CCDC102B: variants seen among roughly 807,000 people sequenced by gnomAD.
CCDC102B encodes coiled-coil domain-containing protein 102B.
Under a neutral mutation model 57.4 loss-of-function variants are expected in CCDC102B, and 75 were observed. That is an observed-to-expected ratio of 1.31 (90% confidence interval 1.08 to 1.58). CCDC102B has a LOEUF of 1.58. CCDC102B is among the 40% of genes most tolerant of loss of function. The pLI is 0.00. For synonymous variants in CCDC102B, 206 were observed against 201.9 expected, an observed-to-expected ratio of 1.02 and a Z score of -0.17; for missense variants, 636 against 582.6, an observed-to-expected ratio of 1.09 and a Z score of -0.94.
At chr18:69,036,131 A>G (rs1350179258) in intron 7 of CCDC102B, among the ~76,000 whole-genome samples, 1 of 152,158 alleles carries the variant, frequency 6.6e-6, no homozygotes, top group Non-Finnish European at 1.5e-5. Flanking sequence ...ATATACCAAT[A>G]AAAAGAGGAA....
At chr18:68,835,473 C>A (rs1196942160) in intron 1 of CCDC102B, among the ~76,000 whole-genome samples, 1 of 152,168 alleles carries the variant, frequency 6.6e-6, no homozygotes, top group African/African-American at 2.4e-5. Flanking sequence ...CTTCTCTCAC[C>A]CACCAGACTG....
chr18:68,973,906 T>C (rs971141093), intron 6 of CCDC102B, among the ~76,000 whole-genome samples: 1 of 152,086 alleles, frequency 6.6e-6, no homozygotes, highest in African/African-American at 2.4e-5. Context: ...CTATTCACTG[T>C]TCTGCAAAAT....
chr18:68,725,443 G>T (rs1416714308), intron 2 of CCDC102B, among the ~76,000 whole-genome samples: 3 of 152,164 alleles, frequency 2.0e-5, no homozygotes, highest in African/African-American at 7.2e-5. Flanking sequence ...CCTTTTTGGA[G>T]TCTCTAGGAA....
chr18:69,024,330 G>A (rs1251409071), intron 7 of CCDC102B, among the ~76,000 whole-genome samples: 3 of 151,932 alleles, frequency 2.0e-5, no homozygotes, highest in African/African-American at 7.2e-5. Context: ...CAGAAGTAAT[G>A]ATTACTTATA....
intron 6 of CCDC102B, among the ~76,000 whole-genome samples, chr18:68,977,224 T>G (rs1399021622): frequency 6.6e-6 from 1 of 152,038 alleles, no homozygotes; most frequent in Non-Finnish European, 1.5e-5. Flanking sequence ...GTTTATAGTC[T>G]TGGGGTTAGC....
At chr18:68,924,417 C>T (rs373458025) in intron 6 of CCDC102B, among the ~76,000 whole-genome samples, 6 of 152,140 alleles carry the variant, frequency 3.9e-5, no homozygotes, top group Admixed American at 2.0e-4. Context: ...CTTGTGAAGA[C>T]GGTGTCTTGC....
chr18:68,938,945 G>C (rs1599721353), intron 6 of CCDC102B, among the ~76,000 whole-genome samples: 1 of 151,502 alleles, frequency 6.6e-6, no homozygotes, highest in Non-Finnish European at 1.5e-5. Context: ...TTTCCCCTGA[G>C]TACTTCATTA....
chr18:68,797,196 T>C (rs2035660408), upstream of CCDC102B, among the ~76,000 whole-genome samples: 4 of 152,068 alleles, frequency 2.6e-5, no homozygotes, highest in Non-Finnish European at 5.9e-5. Context: ...GGGAAAAGAA[T>C]GTTAAGTAGA....
At position 68,838,735 on chromosome 18, in the gene CCDC102B, A is replaced by G; in HGVS notation, c.636A>G (p.Lys212=). The change falls in exon 3 of 8, where the codon AAA becomes AAG. Residue 212 remains lysine, a synonymous_variant. Transcript: ENST00000360242. ...AAGGTGTGGTTATTGATTCTCTAAAATTAAGTGAGGAGATGAAGCCCAATC... is the reference window on the plus strand; with the variant it reads ...AAGGTGTGGTTATTGATTCTCTAAAGTTAAGTGAGGAGATGAAGCCCAATC... ...KEQGVVIDSL[K]LSEEMKPNLD... is the part of the protein sequence containing the mutation. 6.2e-7 allele frequency: 1 copy of G among 1,613,932 alleles called. No individual in the cohort carries two copies. The highest frequency in any genetic ancestry group is 8.5e-7 in the Non-Finnish European group (1 of 1,179,884).
chr18:68,808,964 G>T (rs965294084), intron 1 of CCDC102B, among the ~76,000 whole-genome samples: 1 of 152,038 alleles, frequency 6.6e-6, no homozygotes, highest in Non-Finnish European at 1.5e-5. Context: ...TGAAATTTAT[G>T]CTATTTCTAT....
At chr18:69,002,146 T>C (rs1022202736) in intron 6 of CCDC102B, among the ~76,000 whole-genome samples, 1 of 152,168 alleles carries the variant, frequency 6.6e-6, no homozygotes, top group African/African-American at 2.4e-5. Flanking sequence ...CTGAGAACAC[T>C]GTATCAGCTT....
chr18:68,972,265 G>A (rs2050321031), intron 6 of CCDC102B, among the ~76,000 whole-genome samples: 1 of 152,196 alleles, frequency 6.6e-6, no homozygotes, highest in African/African-American at 2.4e-5. Flanking sequence ...TCTGGTGGGT[G>A]TTGTTAGCAG....
intron 2 of CCDC102B, among the ~76,000 whole-genome samples, chr18:68,783,812 T>C (rs2035088737): frequency 2.0e-5 from 3 of 152,142 alleles, no homozygotes; most frequent in Admixed American, 2.0e-4. Flanking sequence ...TTTTATGTTA[T>C]GGGAAATAGG....
intron 2 of CCDC102B, among the ~76,000 whole-genome samples, chr18:68,718,455 A>G (rs950505652): frequency 3.3e-5 from 5 of 152,216 alleles, no homozygotes; most frequent in Admixed American, 2.0e-4. Flanking sequence ...TAAGCTCAAA[A>G]GCAGGCAAAT....
chr18:68,766,143 A>G (rs571318946), intron 2 of CCDC102B, among the ~76,000 whole-genome samples: 2 of 152,214 alleles, frequency 1.3e-5, no homozygotes, highest in Non-Finnish European at 2.9e-5. Context: ...ATATCATAAT[A>G]CATGTATCTA....
chr18:68,858,051 G>A (rs1319834103), intron 4 of CCDC102B, among the ~76,000 whole-genome samples: 2 of 152,258 alleles, frequency 1.3e-5, no homozygotes, highest in South Asian at 4.1e-4. Flanking sequence ...TCAGAAAGAT[G>A]TCTCAATTTT....
rs187104555 is a variant in CCDC102B at position 68,771,098 on chromosome 18, A to G, written c.-66-52268A>G. 2.8e-3 allele frequency among the ~76,000 whole-genome samples: 434 copies of G among 152,322 alleles called. 1 individual carries two copies. The highest frequency in any genetic ancestry group is 0.01 in the African/African-American group (416 of 41,588). On this transcript the variant is annotated intron_variant, in intron 2 of 3. Transcript: ENST00000578970. ...GATTTGGGGAATTCCCAGATTTGGG[A>G]TCTTGTGCCTGACCTTCCAAAATGC...
chr18:68,733,427 TACTC>T (rs1342315135), intron 2 of CCDC102B, among the ~76,000 whole-genome samples: 3 of 147,286 alleles, frequency 2.0e-5, no homozygotes, highest in South Asian at 4.3e-4. Flanking sequence ...GATATTTTAA[TACTC>T]AACAACGGAG....
At chr18:69,033,068 A>C (rs2145448742) in intron 7 of CCDC102B, among the ~76,000 whole-genome samples, 3 of 152,300 alleles carry the variant, frequency 2.0e-5, no homozygotes, top group Admixed American at 2.0e-4. Flanking sequence ...TTAAAAGTTT[A>C]TCATATAGAG....
Sources: gnomAD v4.1 joint callset for allele counts (sites outside exome capture counted in the v4.1 genomes callset) on GRCh38, gnomAD v4.1.1 for gene constraint, MANE v1.5 for transcripts, NCBI Gene and HGNC (gene_info 2026-07-23, HGNC 2026-07-21) for gene names.